The following UNC5C variants were observed in gnomAD, a reference collection of about 807,000 sequenced individuals.
UNC5C encodes unc-5 netrin receptor C.
UNC5C carries 47 observed loss-of-function variants against 99.8 expected under a neutral mutation model. The observed-to-expected ratio is 0.47, with a 90% confidence interval of 0.37 to 0.60. UNC5C has a LOEUF of 0.60. UNC5C is among the 20% of genes least tolerant of loss of function. UNC5C has a pLI of 0.00. For synonymous variants in UNC5C, 487 were observed against 452.2 expected (o/e 1.08, Z -0.98); for missense variants, 1,062 against 1,165.9 (o/e 0.91, Z 1.30).
At chr4:95,275,574 A>G (rs531290823) in intron 4 of UNC5C, among the ~76,000 whole-genome samples, 5 of 152,328 alleles carry the variant, frequency 3.3e-5, no homozygotes, top group South Asian at 2.1e-4. Context: ...AAAACATTCT[A>G]TGGTGGAGAC....
intron 1 of UNC5C, among the ~76,000 whole-genome samples, chr4:95,417,177 C>T (rs1004742203): frequency 2.6e-5 from 4 of 152,068 alleles, no homozygotes; most frequent in African/African-American, 4.8e-5. Context: ...AAATGAGTGC[C>T]GTCGGGATCT....
chr4:95,216,288 C>T (rs576393567), intron 9 of UNC5C, 77 bp from the exon 10 acceptor site: 48 of 1,137,218 alleles, frequency 4.2e-5, no homozygotes, highest in Admixed American at 4.0e-5. Flanking sequence ...TTTGTGACCG[C>T]GCAGCCATAA....
intron 1 of UNC5C, among the ~76,000 whole-genome samples, chr4:95,453,853 T>G (rs1022242548): frequency 6.6e-6 from 1 of 152,108 alleles, no homozygotes; most frequent in East Asian, 1.9e-4. Flanking sequence ...ATCCTAGTCC[T>G]CCATGTCTCA....
chr4:95,428,080 T>G (rs950195587), intron 1 of UNC5C, among the ~76,000 whole-genome samples: 14 of 152,114 alleles, frequency 9.2e-5, no homozygotes, highest in South Asian at 2.1e-4. Context: ...GTTTTGTTTT[T>G]TTTTTTTCCA....
Position 95,548,745 on chromosome 4 carries a change from G to C in UNC5C, c.113C>G (p.Ser38Cys). Residue 38 changes from serine to cysteine, a missense_variant, in exon 1 of 16, where the codon TCC (serine) becomes TGC (cysteine). Ser to Cys is a moderately radical substitution (Grantham distance 112, BLOSUM62 -1). Transcript: ENST00000453304. ...GCGGACCCCCTTACCTTGGGCGGCGGAGCCAGTGCCGCTGGCGCTGAGCAG... is the reference window on the plus strand; with the variant it reads ...GCGGACCCCCTTACCTTGGGCGGCGCAGCCAGTGCCGCTGGCGCTGAGCAG... ...LALLSASGTGSAAQDDDFFHE... is the reference protein window; with the variant it reads ...LALLSASGTGCAAQDDDFFHE... 1 of 1,612,848 alleles carries C rather than the reference G, an allele frequency of 6.2e-7. No individual in the cohort carries two copies. The highest frequency in any genetic ancestry group is 8.5e-7 in the Non-Finnish European group (1 of 1,179,604).
At chr4:95,310,527 A>G (rs1397292807) in intron 2 of UNC5C, among the ~76,000 whole-genome samples, 2 of 152,200 alleles carry the variant, frequency 1.3e-5, no homozygotes, top group Non-Finnish European at 2.9e-5. Context: ...TATATTTCAA[A>G]ACATCATGTT....
intron 1 of UNC5C, among the ~76,000 whole-genome samples, chr4:95,482,752 C>T (rs1234174651): frequency 1.7e-5 from 2 of 121,118 alleles, no homozygotes; most frequent in African/African-American, 3.4e-5. Context: ...AGTAAACTAT[C>T]GCAAGGACAA....
intron 3 of UNC5C, among the ~76,000 whole-genome samples, chr4:95,290,083 G>T (rs192735440): frequency 6.6e-6 from 1 of 152,120 alleles, no homozygotes; most frequent in Non-Finnish European, 1.5e-5. Context: ...ATTGGGGATC[G>T]CTTGAGGCCA....
intron 1 of UNC5C, among the ~76,000 whole-genome samples, chr4:95,375,968 G>C (rs1015701387): frequency 1.2e-4 from 18 of 151,980 alleles, no homozygotes; most frequent in Non-Finnish European, 8.8e-5. Flanking sequence ...CAGGAGAATG[G>C]CGTGAACCTG....
intron 1 of UNC5C, among the ~76,000 whole-genome samples, chr4:95,490,231 T>C (rs984139151): frequency 2.0e-5 from 3 of 151,562 alleles, no homozygotes; most frequent in Non-Finnish European, 3.0e-5. Context: ...AAATCAAATA[T>C]AGCAAGTTAT....
At chr4:95,235,430 G>A (rs1368213602) in intron 7 of UNC5C, among the ~76,000 whole-genome samples, 1 of 152,066 alleles carries the variant, frequency 6.6e-6, no homozygotes, top group Non-Finnish European at 1.5e-5. Flanking sequence ...CCATTCTGTA[G>A]GTTACCTGTT....
At chr4:95,170,389 T>G in intron 14 of UNC5C, 57 bp from the exon 15 acceptor site, 76 of 1,561,230 alleles carry the variant, frequency 4.9e-5, no homozygotes, top group Non-Finnish European at 5.6e-5. Flanking sequence ...AAGCAATCTC[T>G]ATTGAACCAA....
intron 1 of UNC5C, among the ~76,000 whole-genome samples, chr4:95,445,101 A>T (rs1208584817): frequency 6.6e-6 from 1 of 152,150 alleles, no homozygotes; most frequent in East Asian, 1.9e-4. Flanking sequence ...ACTTATTTTC[A>T]TTATTAGTTG....
chr4:95,437,135 T>C (rs1367173210), intron 1 of UNC5C, among the ~76,000 whole-genome samples: 1 of 151,852 alleles, frequency 6.6e-6, no homozygotes, highest in South Asian at 2.1e-4. Flanking sequence ...AGTAAAAGCA[T>C]AGCTGAACAT....
chr4:95,343,062 C>T (rs1397887414), intron 1 of UNC5C, among the ~76,000 whole-genome samples: 1 of 152,072 alleles, frequency 6.6e-6, no homozygotes, highest in African/African-American at 2.4e-5. Context: ...CTAGATGTTA[C>T]CTCTGGATCC....
rs1372213479 is a variant in UNC5C at position 95,163,057 on chromosome 4, A to C, written c.*6177T>G. The C allele has an allele frequency of 6.6e-6, 1 of 152,032 alleles. No homozygotes were observed. Among genetic ancestry groups the C allele is most frequent in the Non-Finnish European group, 1.5e-5 (1 of 68,006 alleles). 9.4% of individuals were successfully genotyped at this position (152,032 alleles called of 1,614,324 possible). On this transcript the variant is annotated 3_prime_UTR_variant, in exon 16 of 16. Coordinates refer to ENST00000453304, the MANE Select transcript of UNC5C (RefSeq NM_003728.4). ...TCAACACATATAACACCATGACATC[A>C]CACACACACAGTGATGTTCCCTGCA...
chr4:95,357,537 C>G (rs11727932), intron 1 of UNC5C, among the ~76,000 whole-genome samples: 23,822 of 151,974 alleles, frequency 0.16, 2,069 homozygotes, highest in Admixed American at 0.2. Context: ...AATCCCAGCA[C>G]TTTGGGAGGC....
chr4:95,423,347 T>C (rs1746373076), intron 1 of UNC5C, among the ~76,000 whole-genome samples: 1 of 152,238 alleles, frequency 6.6e-6, no homozygotes, highest in Admixed American at 6.5e-5. Context: ...CTGAGCCCAC[T>C]GGCTGTTTCT....
intron 12 of UNC5C, among the ~76,000 whole-genome samples, chr4:95,185,852 G>T (rs1050066642): frequency 6.6e-6 from 1 of 152,118 alleles, no homozygotes; most frequent in African/African-American, 2.4e-5. Flanking sequence ...GATTAGGAAG[G>T]TTTTTAAACA....
Sources: allele counts gnomAD v4.1 joint callset (sites outside exome capture counted in the v4.1 genomes callset), GRCh38; gene constraint gnomAD v4.1.1; transcripts MANE v1.5; gene names NCBI Gene and HGNC (gene_info 2026-07-23, HGNC 2026-07-21).